NCOR1: variants seen among roughly 807,000 people sequenced by gnomAD.
NCOR1 encodes protein phosphatase 1, regulatory subunit 109.
A neutral mutation model predicts 288.1 loss-of-function variants in NCOR1; 63 were observed. That is an observed-to-expected ratio of 0.22 (90% CI 0.18 to 0.27). NCOR1 has a LOEUF of 0.27. Ranked by LOEUF, NCOR1 falls within the 10% of genes least tolerant of loss-of-function variation. The pLI is 1.00. For synonymous variants in NCOR1, 1,007 were observed against 1,065.9 expected, an observed-to-expected ratio of 0.94 and a Z score of 1.08; for missense variants, 2,397 against 3,019.2, an observed-to-expected ratio of 0.79 and a Z score of 4.83.
chr17:16,092,588 AGTCCCTTGTG>A (rs1317670979), intron 21 of NCOR1, among the ~76,000 whole-genome samples: 1 of 141,722 alleles, frequency 7.1e-6, no homozygotes, highest in African/African-American at 2.6e-5. Context: ...ATGGCAGCCA[AGTCCCTTGTG>A]GCCCTAGGTC....
At chr17:16,149,102 C>T (rs565338874) in intron 9 of NCOR1, among the ~76,000 whole-genome samples, 15 of 152,110 alleles carry the variant, frequency 9.9e-5, no homozygotes, top group African/African-American at 3.6e-4. Flanking sequence ...AATGTCTCAT[C>T]AGCATGACTG....
chr17:16,072,232 C>A lies in NCOR1; in HGVS notation c.3812-4G>T, dbSNP rs547002089. ...GGTAATGCTCGGCATATCAGCCCTTCCAAAACAAGAAAGCAATTCAATTAT... is the reference window on the plus strand; with the variant it reads ...GGTAATGCTCGGCATATCAGCCCTTACAAAACAAGAAAGCAATTCAATTAT... On this transcript the variant is annotated splice_region_variant and splice_polypyrimidine_tract_variant and intron_variant, in intron 28 of 45. Transcript: ENST00000268712. The A allele has an allele frequency of 1.2e-6, 2 of 1,605,298 alleles. No homozygotes were observed. The highest frequency in any genetic ancestry group is 2.2e-5 in the South Asian group (2 of 89,754).
intron 42 of NCOR1, chr17:16,044,806 T>C (rs138999666): frequency 2.7e-6 from 3 of 1,105,248 alleles, no homozygotes; most frequent in Admixed American, 3.4e-5. Context: ...TCATCTACAA[T>C]GTAGGGGCTG....
chr17:16,048,370 A>G (rs1276990132), intron 41 of NCOR1, among the ~76,000 whole-genome samples: 1 of 152,196 alleles, frequency 6.6e-6, no homozygotes, highest in African/African-American at 2.4e-5. Context: ...GTTTTAGACA[A>G]ATCACTCAGG....
At chr17:16,193,430 A>G (rs1327430078) in intron 2 of NCOR1, among the ~76,000 whole-genome samples, 1 of 151,976 alleles carries the variant, frequency 6.6e-6, no homozygotes, top group Non-Finnish European at 1.5e-5. Context: ...ATGGGGTTTC[A>G]CCATGTTGGC....
At chr17:16,166,028 G>C (rs896729690) in intron 4 of NCOR1, among the ~76,000 whole-genome samples, 1 of 152,154 alleles carries the variant, frequency 6.6e-6, no homozygotes, top group African/African-American at 2.4e-5. Context: ...TCTGAGTCAA[G>C]AATGCATACA....
intron 1 of NCOR1, among the ~76,000 whole-genome samples, chr17:16,209,457 C>T (rs542964125): frequency 6.6e-6 from 1 of 152,142 alleles, no homozygotes; most frequent in African/African-American, 2.4e-5. Flanking sequence ...CATGGTAGCT[C>T]ATGCCTGTAA....
chr17:16,041,424 C>CTTTTTTTTTTTTTTTTTTTTT (rs2057575771), intron 42 of NCOR1, among the ~76,000 whole-genome samples: 4 of 46,244 alleles, frequency 8.6e-5, no homozygotes. Flanking sequence ...TTTTTTTTTC[C>CTTTTTTTTTTTTTTTTTTTTT]TTTGAGATGG....
chr17:16,050,331 T>C (rs1013095584), intron 40 of NCOR1, among the ~76,000 whole-genome samples: 1 of 152,102 alleles, frequency 6.6e-6, no homozygotes, highest in Non-Finnish European at 1.5e-5. Flanking sequence ...GAAAGGATTC[T>C]AGTGCCTCAG....
intron 5 of NCOR1, among the ~76,000 whole-genome samples, chr17:16,164,263 C>T (rs2081540961): frequency 6.9e-5 from 10 of 145,058 alleles, no homozygotes; most frequent in Admixed American, 5.5e-4. Flanking sequence ...AAAAAATGCA[C>T]TAAAATGCAC....
Position 16,062,290 on chromosome 17 carries a change from A to G in NCOR1, c.5222-20T>C. ...CTGAGCCTGCAGAGGTGAAAAAGAG[A>G]AAGAAACAAAGACATAAGGAGGAAG... On this transcript the variant is annotated intron_variant, in intron 35 of 45. Transcript: ENST00000268712. 6.4e-7 allele frequency: 1 copy of G among 1,569,122 alleles called. No individual in the cohort carries two copies. The highest frequency in any genetic ancestry group is 8.6e-7 in the Non-Finnish European group (1 of 1,165,804).
At chr17:16,044,998 A>AG in intron 42 of NCOR1, 1 of 469,528 alleles carries the variant, frequency 2.1e-6, no homozygotes, top group Non-Finnish European at 3.9e-6. Context: ...GCTGAACTTA[A>AG]GAAAAAAAAA....
intron 23 of NCOR1, among the ~76,000 whole-genome samples, chr17:16,081,120 C>A (rs191098235): frequency 6.6e-6 from 1 of 151,758 alleles, no homozygotes; most frequent in African/African-American, 2.4e-5. Context: ...TCCAAAAACT[C>A]TCTTCCATAA....
chr17:16,074,542 G>T (rs2062157020), intron 27 of NCOR1, among the ~76,000 whole-genome samples: 1 of 152,208 alleles, frequency 6.6e-6, no homozygotes, highest in Non-Finnish European at 1.5e-5. Context: ...TATGCCAGAC[G>T]TGTAAAGGAG....
chr17:16,064,099 A>G lies in NCOR1; in HGVS notation c.5190T>C (p.Ala1730=), dbSNP rs773403515. ...REKERERERI[A]AASSDLYLRP... ...GCAGGTAGAGGTCGGAGGAAGCTGC[A>G]GCAATCCGTTCCCGCTCCCGCTCCT... The change falls in exon 35 of 46, where the codon GCT becomes GCC. Residue 1730 remains alanine (A), a synonymous_variant. Coordinates refer to ENST00000268712, the MANE Select transcript of NCOR1 (RefSeq NM_006311.4). 4.3e-6 allele frequency: 7 copies of G among 1,614,158 alleles called. No individual in the cohort carries two copies. In the Admixed American group the frequency reaches 1.2e-4, roughly 27 times the overall value.
chr17:16,116,093 G>C (rs1285572723), intron 18 of NCOR1, among the ~76,000 whole-genome samples: 1 of 152,186 alleles, frequency 6.6e-6, no homozygotes, highest in African/African-American at 2.4e-5. Context: ...AAGAGAGCTT[G>C]TGCGGGGAAA....
intron 26 of NCOR1, among the ~76,000 whole-genome samples, chr17:16,076,850 T>C (rs2062536644): frequency 6.6e-6 from 1 of 152,086 alleles, no homozygotes; most frequent in Admixed American, 6.5e-5. Context: ...GCAAAACCAT[T>C]ACATATGACA....
intron 9 of NCOR1, among the ~76,000 whole-genome samples, chr17:16,147,495 T>C (rs917394687): frequency 2.0e-5 from 3 of 152,162 alleles, no homozygotes; most frequent in Admixed American, 6.5e-5. Context: ...ATTTTCTAAA[T>C]AGAGAAGAAA....
chr17:16,157,262 G>A (rs1444840428), intron 6 of NCOR1, among the ~76,000 whole-genome samples: 1 of 152,008 alleles, frequency 6.6e-6, no homozygotes, highest in East Asian at 1.9e-4. Flanking sequence ...TTCCTTTACT[G>A]GATTTATCTT....
Sources: allele counts gnomAD v4.1 joint callset (sites outside exome capture counted in the v4.1 genomes callset), GRCh38; gene constraint gnomAD v4.1.1; transcripts MANE v1.5; gene names NCBI Gene and HGNC (gene_info 2026-07-23, HGNC 2026-07-21).